Variants in ELAC1 observed in about 807,000 individuals in gnomAD.
The protein encoded by ELAC1 is zinc phosphodiesterase ELAC protein 1.
Under a neutral mutation model 25.8 loss-of-function variants are expected in ELAC1, and 19 were observed. The observed-to-expected ratio is 0.74, with a 90% CI of 0.51 to 1.08. ELAC1 has a LOEUF of 1.08. Among genes scored for constraint, ELAC1 ranks in the 50% least tolerant of loss-of-function variants. ELAC1 has a pLI of 0.00. For missense variants in ELAC1, 403 were observed against 434.6 expected, an observed-to-expected ratio of 0.93 and a Z score of 0.65; for synonymous variants, 148 against 160.9, an observed-to-expected ratio of 0.92 and a Z score of 0.61.
At chr18:50,973,808 G>A (rs1022649710) in intron 1 of ELAC1, among the ~76,000 whole-genome samples, 3 of 151,820 alleles carry the variant, frequency 2.0e-5, no homozygotes, top group Non-Finnish European at 4.4e-5. Flanking sequence ...GCATTAATGC[G>A]GTATATGTTC....
At chr18:50,976,648 A>ATC (rs1362765852) in intron 2 of ELAC1, among the ~76,000 whole-genome samples, 2 of 152,170 alleles carry the variant, frequency 1.3e-5, no homozygotes, top group Non-Finnish European at 2.9e-5. Flanking sequence ...GCTAAACCAT[A>ATC]TCATTCCACC....
rs193279351 is a variant in ELAC1, at chr18:50,968,320, C to T, written c.-9+206C>T. 1,039 of 152,268 alleles carry T rather than the reference C, an allele frequency of 6.8e-3. 4 individuals are homozygous for T. The highest frequency in any genetic ancestry group is 0.014 in the South Asian group (66 of 4,822). 9.4% of individuals were successfully genotyped at this position (152,268 alleles called of 1,614,324 possible). Reference sequence around the variant, plus strand: ...GCCGCCCACCCAGCCTTTTTCGAGGCCAACACGGTCTCGTGGGGGAGCCTG... The same window carrying T: ...GCCGCCCACCCAGCCTTTTTCGAGGTCAACACGGTCTCGTGGGGGAGCCTG... On this transcript the variant is annotated intron_variant, in intron 1 of 3. Coordinates refer to ENST00000269466, the MANE Select transcript of ELAC1 (RefSeq NM_018696.3).
intron 1 of ELAC1, among the ~76,000 whole-genome samples, chr18:50,973,818 C>T (rs1248425026): frequency 6.6e-6 from 1 of 151,918 alleles, no homozygotes; most frequent in Non-Finnish European, 1.5e-5. Context: ...GGTATATGTT[C>T]AGAAGCTTAA....
intron 2 of ELAC1, among the ~76,000 whole-genome samples, chr18:50,978,441 C>T (rs1033353923): frequency 1.1e-4 from 17 of 152,202 alleles, no homozygotes; most frequent in Non-Finnish European, 2.5e-4. Context: ...TACATGGTGG[C>T]AGGCAAGAGA....
At chr18:50,980,736 C>T (rs1434496374) in intron 2 of ELAC1, among the ~76,000 whole-genome samples, 1 of 146,530 alleles carries the variant, frequency 6.8e-6, no homozygotes, top group Non-Finnish European at 1.5e-5. Flanking sequence ...GCACTCTAGC[C>T]TGGGTAACAG....
At chr18:50,979,729 T>G (rs1907890896) in intron 2 of ELAC1, among the ~76,000 whole-genome samples, 1 of 151,806 alleles carries the variant, frequency 6.6e-6, no homozygotes, top group East Asian at 1.9e-4. Flanking sequence ...TGATTTTCTG[T>G]TTTTTGTTTT....
intron 1 of ELAC1, among the ~76,000 whole-genome samples, chr18:50,970,740 A>C (rs1382943238): frequency 2.0e-5 from 3 of 152,174 alleles, no homozygotes; most frequent in Non-Finnish European, 4.4e-5. Context: ...TAAATTTAAA[A>C]AAAATAAAAT....
In ELAC1 at chr18:50,984,428, T is replaced by A. The variant is rs200639182; in HGVS notation, c.490T>A (p.Ser164Thr). The A allele has an allele frequency of 2.0e-4, 317 of 1,613,870 alleles. No individual in the cohort carries two copies. Among genetic ancestry groups the A allele is most frequent in the Non-Finnish European group, 2.5e-4 (298 of 1,179,858 alleles). The change falls in exon 3 of 4, where the codon TCA (serine) becomes ACA (threonine). Residue 164 changes from serine (S) to threonine (T), a missense_variant. Physicochemically the swap from Ser to Thr is moderately conservative, Grantham distance 58. Coordinates refer to ENST00000269466, the MANE Select transcript of ELAC1 (RefSeq NM_018696.3). ...RTILLDSEEN[S>T]YLLFDDEQFV... ...TATCCTGTTAGACTCAGAAGAAAACTCATACCTTCTGTTTGATGATGAACA... is the reference window on the plus strand; with the variant it reads ...TATCCTGTTAGACTCAGAAGAAAACACATACCTTCTGTTTGATGATGAACA...
At chr18:50,981,079 A>G (rs1325235224) in intron 2 of ELAC1, among the ~76,000 whole-genome samples, 2 of 150,164 alleles carry the variant, frequency 1.3e-5, no homozygotes, top group Non-Finnish European at 2.9e-5. Flanking sequence ...ATCCCTCACC[A>G]CACACCCCCA....
chr18:50,972,281 A>G (rs886492534), intron 1 of ELAC1, among the ~76,000 whole-genome samples: 6 of 152,158 alleles, frequency 3.9e-5, no homozygotes, highest in African/African-American at 1.4e-4. Flanking sequence ...ATTTTTATAT[A>G]CAATGCAAAG....
chr18:50,971,897 T>G (rs1430529582), intron 1 of ELAC1, among the ~76,000 whole-genome samples: 1 of 100,298 alleles, frequency 1.0e-5, no homozygotes, highest in Non-Finnish European at 1.8e-5. Context: ...TATGTATATA[T>G]GTGTGTGTGT....
chr18:50,983,365 AT>A (rs1285353946), intron 2 of ELAC1, among the ~76,000 whole-genome samples: 2 of 151,784 alleles, frequency 1.3e-5, no homozygotes, highest in Non-Finnish European at 2.9e-5. Context: ...GGGTTTCTCT[AT>A]GTTGGTCAGG....
rs1908120817 is a variant in ELAC1 at position 50,986,823 on chromosome 18, C to G, written c.830C>G (p.Thr277Ser). Residue 277 changes from threonine to serine, a missense_variant, in exon 4 of 4, where the codon ACC becomes AGC. Transcript: ENST00000269466. ...GCAGACCTGTTGATCCACGAAGCAA[C>G]CCTGGATGATGCCCAGATGGACAAA... Reference protein sequence around the residue: ...FEADLLIHEATLDDAQMDKAK... With the variant: ...FEADLLIHEASLDDAQMDKAK... 1 of 1,614,036 alleles carries G rather than the reference C, an allele frequency of 6.2e-7. No individual in the cohort carries two copies. Among genetic ancestry groups the G allele is most frequent in the Non-Finnish European group, 8.5e-7 (1 of 1,180,036 alleles).
At chr18:50,973,931 T>C (rs908263202) in intron 1 of ELAC1, among the ~76,000 whole-genome samples, 4 of 152,246 alleles carry the variant, frequency 2.6e-5, no homozygotes, top group Non-Finnish European at 5.9e-5. Context: ...TAGAGCTCAT[T>C]CACTCTAGTG....
chr18:50,972,184 C>A (rs1907684960), intron 1 of ELAC1, among the ~76,000 whole-genome samples: 1 of 151,692 alleles, frequency 6.6e-6, no homozygotes, highest in South Asian at 2.1e-4. Context: ...TTCCCATCTC[C>A]ACAGTTAAAT....
At chr18:50,982,037 G>C (rs1429846706) in intron 2 of ELAC1, among the ~76,000 whole-genome samples, 1 of 151,968 alleles carries the variant, frequency 6.6e-6, no homozygotes, top group Non-Finnish European at 1.5e-5. Context: ...GTAGAGACAG[G>C]GTTTCTCCAA....
chr18:50,978,022 T>C (rs1907840238), intron 2 of ELAC1, among the ~76,000 whole-genome samples: 1 of 152,158 alleles, frequency 6.6e-6, no homozygotes, highest in Admixed American at 6.5e-5. Context: ...TCCCAATAAG[T>C]TCCTCATCTC....
rs182995400 is a variant in ELAC1, at chr18:50,971,736, T to A, written c.-8-2661T>A. On this transcript the variant is annotated intron_variant, in intron 1 of 3. Coordinates refer to ENST00000269466, the MANE Select transcript of ELAC1 (RefSeq NM_018696.3). ...TGCATTCCACTAACTACCTGGAGACTGAACCCTTATCTTTTATTTATTAAC... is the reference window on the plus strand; with the variant it reads ...TGCATTCCACTAACTACCTGGAGACAGAACCCTTATCTTTTATTTATTAAC... 5.9e-5 allele frequency among the ~76,000 whole-genome samples: 9 copies of A among 151,938 alleles called. No individual in the cohort carries two copies. In the East Asian group the frequency reaches 1.7e-3, roughly 29 times the overall value.
chr18:50,983,562 A>G (rs1908017092), intron 2 of ELAC1, among the ~76,000 whole-genome samples: 1 of 151,802 alleles, frequency 6.6e-6, no homozygotes, highest in Non-Finnish European at 1.5e-5. Context: ...GTTATATCTT[A>G]TTGAAACCAT....
Sources: gnomAD v4.1 joint callset for allele counts (sites outside exome capture counted in the v4.1 genomes callset) on GRCh38, gnomAD v4.1.1 for gene constraint, MANE v1.5 for transcripts, NCBI Gene and HGNC (gene_info 2026-07-23, HGNC 2026-07-21) for gene names.